The following ELAC1 variants were observed in gnomAD, a reference collection of about 807,000 sequenced individuals.
ELAC1 encodes zinc phosphodiesterase ELAC protein 1.
ELAC1 carries 19 observed loss-of-function variants against 25.8 expected under a neutral mutation model. The observed-to-expected ratio is 0.74, with a 90% CI of 0.51 to 1.08. The LOEUF (loss-of-function observed/expected upper bound fraction) is 1.08. Among genes scored for constraint, ELAC1 ranks in the 50% least tolerant of loss-of-function variants. ELAC1 has a pLI of 0.00. For synonymous variants in ELAC1, 148 were observed against 160.9 expected (o/e 0.92, Z 0.61); for missense variants, 403 against 434.6 (o/e 0.93, Z 0.65).
chr18:50,971,581 GAC>G (rs1014004434), intron 1 of ELAC1, among the ~76,000 whole-genome samples: 1 of 151,798 alleles, frequency 6.6e-6, no homozygotes, highest in Non-Finnish European at 1.5e-5. Context: ...TTTTTGTAGA[GAC>G]AGTGTCTCAC....
chr18:50,987,076 C>G lies in ELAC1; in HGVS notation c.1083C>G (p.Ile361Met), dbSNP rs1205128921. ...AEDFMVISIP[I>M]KK ...ATTTTATGGTGATAAGCATTCCAAT[C>G]AAGAAATGAAACCAGTGTTCCTGAG... The change falls in exon 4 of 4, where the codon ATC becomes ATG. Residue 361 changes from isoleucine to methionine, a missense_variant. By Grantham distance (10) the Ile-to-Met change is conservative. Transcript: ENST00000269466. 6.5e-7 allele frequency: 1 copy of G among 1,535,250 alleles called. No homozygotes were observed.
intron 2 of ELAC1, among the ~76,000 whole-genome samples, chr18:50,978,155 T>C (rs1202883136): frequency 6.6e-6 from 1 of 152,170 alleles, no homozygotes; most frequent in African/African-American, 2.4e-5. Flanking sequence ...AACCTTCCCA[T>C]ATTTTCCTGT....
intron 2 of ELAC1, among the ~76,000 whole-genome samples, chr18:50,975,917 A>G (rs1376857777): frequency 1.3e-5 from 2 of 152,208 alleles, no homozygotes; most frequent in Non-Finnish European, 2.9e-5. Flanking sequence ...CTAGGATCCA[A>G]GAGATTCATA....
intron 2 of ELAC1, among the ~76,000 whole-genome samples, chr18:50,981,828 G>A (rs1182437160): frequency 6.6e-6 from 1 of 150,450 alleles, no homozygotes; most frequent in Non-Finnish European, 1.5e-5. Context: ...TCTGGACTCA[G>A]TGACTGCTAT....
intron 1 of ELAC1, chr18:50,969,224 C>T (rs542573809): frequency 6.6e-6 from 1 of 152,254 alleles, no homozygotes; most frequent in South Asian, 2.1e-4. Context: ...TCTCTTAGAT[C>T]TCTCTTAATC....
intron 3 of ELAC1, among the ~76,000 whole-genome samples, chr18:50,986,011 C>CTTTTTTTT (rs34348056): frequency 3.5e-5 from 3 of 85,010 alleles, no homozygotes; most frequent in Non-Finnish European, 6.6e-5. Flanking sequence ...TTGATTATAT[C>CTTTTTTTT]TTTTTTTTTT....
intron 3 of ELAC1, chr18:50,984,931 C>CA (rs950038009): frequency 0.046 from 10,289 of 224,142 alleles, no homozygotes; most frequent in East Asian, 0.071. Context: ...AACTCTGTCT[C>CA]AAAAAAAAAA....
intron 1 of ELAC1, among the ~76,000 whole-genome samples, chr18:50,972,672 A>G (rs1367803348): frequency 1.3e-5 from 2 of 152,110 alleles, no homozygotes; most frequent in Admixed American, 6.6e-5. Context: ...TAGTAGAGAC[A>G]GGGTTTCACC....
chr18:50,969,018 A>G (rs1907580226), intron 1 of ELAC1: 2 of 152,202 alleles, frequency 1.3e-5, no homozygotes. Context: ...GTACCATTCC[A>G]TCTGTTACCT....
At chr18:50,985,660 T>C (rs1908089566) in intron 3 of ELAC1, among the ~76,000 whole-genome samples, 1 of 152,240 alleles carries the variant, frequency 6.6e-6, no homozygotes, top group South Asian at 2.1e-4. Context: ...TAAAACAAAA[T>C]GCTAGATAAT....
At chr18:50,969,991 T>C (rs1424752406) in intron 1 of ELAC1, 1 of 152,236 alleles carries the variant, frequency 6.6e-6, no homozygotes, top group East Asian at 1.9e-4. Context: ...CTTTTTATTT[T>C]ATTTATTTAC....
chr18:50,980,935 A>G (rs1907933333), intron 2 of ELAC1, among the ~76,000 whole-genome samples: 2 of 151,922 alleles, frequency 1.3e-5, no homozygotes, highest in Non-Finnish European at 2.9e-5. Flanking sequence ...TGGACCTATC[A>G]TTATTTGATT....
At chr18:50,970,884 C>G (rs1907633919) in intron 1 of ELAC1, among the ~76,000 whole-genome samples, 1 of 151,820 alleles carries the variant, frequency 6.6e-6, no homozygotes, top group Non-Finnish European at 1.5e-5. Context: ...CCACATCAGA[C>G]TTTCTCTGTC....
At chr18:50,971,880 G>GTA (rs1052790748) in intron 1 of ELAC1, among the ~76,000 whole-genome samples, 17 of 120,612 alleles carry the variant, frequency 1.4e-4, no homozygotes, top group East Asian at 2.3e-4. Flanking sequence ...GTGTATATAT[G>GTA]TATATATATG....
At chr18:50,976,790 C>CTAG (rs1247703101) in intron 2 of ELAC1, among the ~76,000 whole-genome samples, 1 of 152,234 alleles carries the variant, frequency 6.6e-6, no homozygotes, top group East Asian at 1.9e-4. Flanking sequence ...TGAAACAAGG[C>CTAG]TAGTCCCTTC....
chr18:50,980,152 A>G (rs1907905962), intron 2 of ELAC1, among the ~76,000 whole-genome samples: 1 of 152,026 alleles, frequency 6.6e-6, no homozygotes, highest in South Asian at 2.1e-4. Flanking sequence ...AAGCTGGGCA[A>G]CAAAAAGAGA....
At chr18:50,971,912 G>GTGTATA (rs1368489485) in intron 1 of ELAC1, among the ~76,000 whole-genome samples, 127 of 76,528 alleles carry the variant, frequency 1.7e-3, no homozygotes, top group East Asian at 0.01. Context: ...GTGTGTGTGT[G>GTGTATA]TATATATATA....
In ELAC1 at chr18:50,987,159, C is replaced by A; in HGVS notation, c.*74C>A. On this transcript the variant is annotated 3_prime_UTR_variant, in exon 4 of 4. Transcript: ENST00000269466. ...AACCTATAGTCCAGTTTTTTTATTT[C>A]TTGTTTTAGTCTGAAATTATTTGGG... is the stretch of plus-strand genomic sequence containing the variant. The A allele has an allele frequency of 1.8e-6, 2 of 1,113,756 alleles. No individual in the cohort carries two copies. The highest frequency in any genetic ancestry group is 2.4e-6 in the Non-Finnish European group (2 of 819,226). The allele number at this position is 1,113,756 out of a possible 1,614,324, so 69.0% of individuals were successfully genotyped here.
chr18:50,971,811 T>C (rs1907659987), intron 1 of ELAC1, among the ~76,000 whole-genome samples: 1 of 150,162 alleles, frequency 6.7e-6, no homozygotes, highest in South Asian at 2.1e-4. Flanking sequence ...CTTTTCATGC[T>C]TATAGGCCAT....
Sources: allele counts gnomAD v4.1 joint callset (sites outside exome capture counted in the v4.1 genomes callset), GRCh38; gene constraint gnomAD v4.1.1; transcripts MANE v1.5; gene names NCBI Gene and HGNC (gene_info 2026-07-23, HGNC 2026-07-21).